TRIM3: variants seen among roughly 807,000 people sequenced by gnomAD.
The protein encoded by TRIM3 is tripartite motif-containing protein 3.
Under a neutral mutation model 66.6 loss-of-function variants are expected in TRIM3, and 13 were observed. The ratio of observed to expected loss-of-function variants is 0.20; its 90% CI spans 0.13 to 0.31. The LOEUF (loss-of-function observed/expected upper bound fraction) is 0.31, where lower values mean the gene tolerates loss of function less well. Among genes scored for constraint, TRIM3 ranks in the 10% least tolerant of loss-of-function variants. The pLI, the probability that TRIM3 is intolerant of heterozygous loss-of-function variation, is 1.00. For missense variants in TRIM3, 711 were observed against 1,020.4 expected (o/e 0.70, Z 4.13); for synonymous variants, 406 against 411.7 (o/e 0.99, Z 0.17).
intron 2 of TRIM3, among the ~76,000 whole-genome samples, chr11:6,465,073 G>A (rs1198523037): frequency 6.6e-6 from 1 of 151,520 alleles, no homozygotes; most frequent in Non-Finnish European, 1.5e-5. Context: ...ACAGGGTCTG[G>A]CACATAGTAG....
rs1275379692 is a variant in TRIM3 at position 6,450,509 on chromosome 11, G to C, written c.1941+42C>G. 6.4e-7 allele frequency: 1 copy of C among 1,551,850 alleles called. No individual in the cohort carries two copies. The highest frequency in any genetic ancestry group is 8.9e-7 in the Non-Finnish European group (1 of 1,123,344). On this transcript the variant is annotated intron_variant, in intron 10 of 11. Transcript: ENST00000345851. This position sits in a 1 kb window ranked among gnomAD's most constrained non-coding sequence, Gnocchi z 4.8. ...GAGAGGAGTCTTGTGGAAGAGGAAA[G>C]GATGTTGGGACAGTGGTCACGGAGG... is the stretch of plus-strand genomic sequence containing the variant.
intron 7 of TRIM3, among the ~76,000 whole-genome samples, chr11:6,455,384 C>A (rs943846328): frequency 3.9e-5 from 6 of 152,146 alleles, no homozygotes; most frequent in Non-Finnish European, 7.3e-5. Context: ...GCTGTGTCAA[C>A]TACCCTGGTG....
chr11:6,469,944 G>A (rs1211732853), intron 1 of TRIM3, among the ~76,000 whole-genome samples: 2 of 152,160 alleles, frequency 1.3e-5, no homozygotes, highest in South Asian at 2.1e-4. Context: ...TCAGGAGGCT[G>A]AATCAGACAC....
chr11:6,451,309 G>C lies in TRIM3; in HGVS notation c.1663C>G (p.Arg555Gly). Residue 555 changes from arginine (R) to glycine (G), a missense_variant, in exon 8 of 12, where the codon CGT (arginine) becomes GGT (glycine). Physicochemically the swap from Arg to Gly is moderately radical, Grantham distance 125. Around this residue, in one of 3 missense-constraint regions of TRIM3, gnomAD observed 163 missense variants for 321.9 expected, o/e 0.51. Transcript: ENST00000345851. ...TCAGGGGAGAAGATGCTGACCCAAC[G>C]GTTGTCATAGTCTGCCACAATTATG... is the stretch of plus-strand genomic sequence containing the variant. ...GDIIVADYDN[R>G]WVSIFSPEGK... is the part of the protein sequence containing the mutation. 1 of 1,614,120 alleles carries C rather than the reference G, an allele frequency of 6.2e-7. No homozygotes were observed. Among genetic ancestry groups the C allele is most frequent in the Non-Finnish European group, 8.5e-7 (1 of 1,180,038 alleles).
At chr11:6,453,803 G>T (rs72898243) in intron 7 of TRIM3, among the ~76,000 whole-genome samples, 2 of 152,312 alleles carry the variant, frequency 1.3e-5, no homozygotes, top group Non-Finnish European at 2.9e-5. Flanking sequence ...CACCATAGAA[G>T]TGTCCAAAAG....
At chr11:6,473,427 G>A (rs955453115) in intron 1 of TRIM3, among the ~76,000 whole-genome samples, 13 of 151,698 alleles carry the variant, frequency 8.6e-5, no homozygotes, top group African/African-American at 2.9e-4. Context: ...AGGGAGAAAA[G>A]AGCCCTTCAG....
chr11:6,455,516 C>A (rs1472932263), intron 7 of TRIM3, among the ~76,000 whole-genome samples: 1 of 152,130 alleles, frequency 6.6e-6, no homozygotes, highest in Non-Finnish European at 1.5e-5. Flanking sequence ...GCGGTTGATG[C>A]CATAATCAGG....
At chr11:6,464,048 G>A (rs538747432) in intron 2 of TRIM3, among the ~76,000 whole-genome samples, 22 of 152,150 alleles carry the variant, frequency 1.4e-4, no homozygotes, top group Non-Finnish European at 2.5e-4. Context: ...AAGACCTAGG[G>A]ACCAGGCCAC....
intron 1 of TRIM3, among the ~76,000 whole-genome samples, chr11:6,466,849 T>C (rs1221763277): frequency 1.3e-5 from 2 of 152,232 alleles, no homozygotes; most frequent in Non-Finnish European, 2.9e-5. Flanking sequence ...CTAACTCTTA[T>C]AAGCTATGCT....
At chr11:6,452,032 G>T (rs772075758) in intron 7 of TRIM3, 1 of 153,472 alleles carries the variant, frequency 6.5e-6, no homozygotes, top group Non-Finnish European at 1.4e-5. Context: ...GTTGAGAAAT[G>T]ATGATGGCTT....
At chr11:6,451,823 T>G (rs78406550) in intron 7 of TRIM3, 2,549 of 210,900 alleles carry the variant, frequency 0.012, 64 homozygotes, top group African/African-American at 0.053. Flanking sequence ...ACTTGTCCAG[T>G]GTGGCTGGAC....
At chr11:6,469,536 G>A (rs1258199943) in intron 1 of TRIM3, among the ~76,000 whole-genome samples, 5 of 152,190 alleles carry the variant, frequency 3.3e-5, no homozygotes, top group Non-Finnish European at 7.3e-5. Context: ...CTCAGAGCCA[G>A]ACTTTACTCT....
rs773539755 is a variant in TRIM3 at position 6,456,371 on chromosome 11, C to T, written c.1355G>A (p.Arg452Lys). The T allele has an allele frequency of 3.9e-6, 6 of 1,531,816 alleles. No individual in the cohort carries two copies. In the African/African-American group the frequency reaches 6.9e-5, roughly 18 times the overall value. 94.9% of individuals were successfully genotyped at this position (1,531,816 alleles called of 1,614,324 possible). Residue 452 changes from arginine to lysine, a missense_variant, in exon 6 of 12, where the codon AGG becomes AAG. Arg to Lys is a conservative substitution (Grantham distance 26). Around this residue, in one of 3 missense-constraint regions of TRIM3, gnomAD observed 399 missense variants for 458.1 expected, o/e 0.87. Coordinates refer to ENST00000345851, the MANE Select transcript of TRIM3 (RefSeq NM_033278.4). This position sits in a 1 kb window ranked among gnomAD's most constrained non-coding sequence, Gnocchi z 6.4. The part of the protein sequence containing the change: ...GSHVRQKAVR[R>K]PSSMYSTGGK... Reference sequence around the variant, plus strand: ...GCCTGTGCTGTACATGGAGCTGGGCCTACGCACTGCCTTCTGGCGCACATG... The same window carrying T: ...GCCTGTGCTGTACATGGAGCTGGGCTTACGCACTGCCTTCTGGCGCACATG...
In TRIM3 at chr11:6,456,809, C is replaced by A. The variant is rs139906539; in HGVS notation, c.917G>T (p.Arg306Leu). Residue 306 changes from arginine to leucine, a missense_variant, in exon 6 of 12, where the codon CGG (arginine) becomes CTG (leucine). Transcript: ENST00000345851. The surrounding 1 kb of genome is among the most constrained non-coding windows in gnomAD (Gnocchi z 6.4). Reference protein sequence around the residue: ...LELVLEVDGLRRSVLNLGALL... With the variant: ...LELVLEVDGLLRSVLNLGALL... ...TGCGCCCAGATTGAGCACCGATCGC[C>A]GCAGACCGTCCACCTCAAGGACCAG... 6.2e-7 allele frequency: 1 copy of A among 1,612,640 alleles called. No individual in the cohort carries two copies. The highest frequency in any genetic ancestry group is 1.3e-5 in the African/African-American group (1 of 74,958).
At chr11:6,455,987 G>C in intron 7 of TRIM3, 85 bp downstream of exon 7, 2 of 1,325,314 alleles carry the variant, frequency 1.5e-6, no homozygotes, top group Non-Finnish European at 2.2e-6. Context: ...CTTCCAGGAG[G>C]TGACCTGTAC....
chr11:6,462,225 G>A (rs975542803), intron 2 of TRIM3, among the ~76,000 whole-genome samples: 2 of 117,922 alleles, frequency 1.7e-5, no homozygotes, highest in African/African-American at 3.2e-5. Context: ...ATTAATACAA[G>A]CTGCAGCTCT....
At chr11:6,468,281 C>G (rs1209041976) in intron 1 of TRIM3, among the ~76,000 whole-genome samples, 9 of 152,166 alleles carry the variant, frequency 5.9e-5, no homozygotes, top group Non-Finnish European at 1.2e-4. Flanking sequence ...GCATTCTGTT[C>G]TATGTATGCT....
chr11:6,471,284 G>A (rs889165850), intron 1 of TRIM3, among the ~76,000 whole-genome samples: 1 of 152,224 alleles, frequency 6.6e-6, no homozygotes, highest in Non-Finnish European at 1.5e-5. Context: ...AGGCTCATTT[G>A]CTTGCTAAAA....
At chr11:6,462,945 G>A (rs1272756140) in intron 2 of TRIM3, among the ~76,000 whole-genome samples, 2 of 152,008 alleles carry the variant, frequency 1.3e-5, no homozygotes, top group Admixed American at 1.3e-4. Flanking sequence ...GGTGACTCAC[G>A]CCTGGAATCC....
Sources: allele counts gnomAD v4.1 joint callset (sites outside exome capture counted in the v4.1 genomes callset), GRCh38; gene constraint gnomAD v4.1.1; regional missense constraint gnomAD v4.1.1; non-coding constraint Gnocchi (gnomAD v3.1); transcripts MANE v1.5; gene names NCBI Gene and HGNC (gene_info 2026-07-23, HGNC 2026-07-21).